The following EIF2B3 variants were observed in gnomAD, a reference collection of about 807,000 sequenced individuals.
The protein encoded by EIF2B3 is eukaryotic translation initiation factor 2B subunit gamma, also known as translation initiation factor eIF2B subunit gamma.
Under a neutral mutation model 54.1 loss-of-function variants are expected in EIF2B3, and 20 were observed. The observed-to-expected ratio is 0.37, with a 90% CI of 0.26 to 0.54. The LOEUF is 0.54. Among genes scored for constraint, EIF2B3 ranks in the 20% least tolerant of loss-of-function variants. The probability of loss-of-function intolerance (pLI) is 0.86; values close to 1 mark genes in which losing one functional copy is unlikely to be tolerated. For synonymous variants in EIF2B3, 153 were observed against 188.1 expected, an observed-to-expected ratio of 0.81 and a Z score of 1.52; for missense variants, 448 against 547.8, an observed-to-expected ratio of 0.82 and a Z score of 1.82.
rs3044232 is a variant in EIF2B3 at position 44,858,070 on chromosome 1, CT to C, written c.1203-264del. 2.3e-3 allele frequency among the ~76,000 whole-genome samples: 291 copies of C among 127,384 alleles called. No individual in the cohort carries two copies. The East Asian group carries it at 0.03, about 13-fold the overall frequency. The allele number at this position is 127,384 out of a possible 152,430, so 83.6% of individuals were successfully genotyped here. On this transcript the variant is annotated intron_variant, in intron 10 of 11. Transcript: ENST00000360403. ...AGATATTCTGACTTCACTTCAGTTC[CT>C]TTTTTTTTTTTTTTTTTTGAGACAG...
At chr1:44,872,371 T>C (rs576264009) in intron 10 of EIF2B3, among the ~76,000 whole-genome samples, 2 of 151,882 alleles carry the variant, frequency 1.3e-5, no homozygotes, top group Non-Finnish European at 2.9e-5. Context: ...TCTGGCCAGG[T>C]GCAGTGGCTC....
chr1:44,970,625 T>G (rs1161631070), intron 3 of EIF2B3, among the ~76,000 whole-genome samples: 2 of 152,222 alleles, frequency 1.3e-5, no homozygotes, highest in Admixed American at 6.5e-5. Flanking sequence ...TTTAGAGAGA[T>G]AACCGACATC....
intron 9 of EIF2B3, among the ~76,000 whole-genome samples, chr1:44,875,033 T>C (rs937461335): frequency 1.3e-5 from 2 of 152,094 alleles, no homozygotes; most frequent in Non-Finnish European, 2.9e-5. Context: ...CCCTCCTCTC[T>C]TGCCAAGAAA....
At chr1:44,880,328 G>A (rs1378525890) in intron 7 of EIF2B3, among the ~76,000 whole-genome samples, 1 of 152,142 alleles carries the variant, frequency 6.6e-6, no homozygotes, top group Non-Finnish European at 1.5e-5. Context: ...AACTAAAAGA[G>A]GAAATGTACT....
chr1:44,855,765 C>T (rs1654414135), intron 11 of EIF2B3, among the ~76,000 whole-genome samples: 1 of 152,138 alleles, frequency 6.6e-6, no homozygotes, highest in Admixed American at 6.6e-5. Context: ...CCATGTTGGT[C>T]AGGCTGGTTT....
intron 8 of EIF2B3, among the ~76,000 whole-genome samples, chr1:44,876,582 GC>G (rs756084271): frequency 8.0e-5 from 1 of 12,434 alleles, no homozygotes; most frequent in South Asian, 3.8e-3. Context: ...GTGGGGGTCA[GC>G]CCCCCACCCG....
intron 1 of EIF2B3, among the ~76,000 whole-genome samples, chr1:44,985,805 C>T (rs364482): frequency 0.24 from 36,622 of 152,128 alleles, 5,860 homozygotes; most frequent in African/African-American, 0.43. Flanking sequence ...CTCGCTGCCT[C>T]CCAAGCTTTG....
Position 44,877,212 on chromosome 1 carries a change from A to AAAC in EIF2B3, c.976-1518_976-1517insGTT, listed in dbSNP as rs1557666553. Among the ~76,000 whole-genome samples, 29 of 148,164 alleles carry AAAC rather than the reference A, an allele frequency of 2.0e-4. 1 individual carries two copies. Among genetic ancestry groups the AAAC allele is most frequent in the Admixed American group, 5.4e-4 (8 of 14,938 alleles). ...ATCAATAAAAAAAAAAAAAAAAAAA[A>AAAC]AAAAAAAAAACACCTTAGGTAGAAC... On this transcript the variant is annotated intron_variant, in intron 8 of 11. Transcript: ENST00000360403.
chr1:44,911,434 T>G (rs1310642340), intron 5 of EIF2B3, among the ~76,000 whole-genome samples: 1 of 152,188 alleles, frequency 6.6e-6, no homozygotes, highest in Admixed American at 6.5e-5. Context: ...GCCCTGAGCT[T>G]GACATCTATG....
intron 4 of EIF2B3, among the ~76,000 whole-genome samples, chr1:44,928,415 C>T (rs185732138): frequency 6.9e-4 from 105 of 152,096 alleles, no homozygotes; most frequent in African/African-American, 2.4e-3. Flanking sequence ...CCACTGCACT[C>T]CAGCCTGGGC....
chr1:44,915,305 A>G (rs1311127554), intron 5 of EIF2B3, among the ~76,000 whole-genome samples: 2 of 152,074 alleles, frequency 1.3e-5, no homozygotes, highest in Admixed American at 6.6e-5. Context: ...GTCTCAAAAA[A>G]AAAAAATTAT....
intron 5 of EIF2B3, among the ~76,000 whole-genome samples, chr1:44,901,363 G>A (rs193015769): frequency 2.4e-3 from 357 of 151,884 alleles, no homozygotes; most frequent in African/African-American, 6.2e-3. Flanking sequence ...TGATCCACCC[G>A]CCTCGGCCTC....
chr1:44,880,986 C>CT lies in EIF2B3; in HGVS notation c.784+625_784+626insA, dbSNP rs774206044. 6.5e-4 allele frequency among the ~76,000 whole-genome samples: 99 copies of CT among 151,808 alleles called. 1 individual carries two copies. The highest frequency in any genetic ancestry group is 1.1e-3 in the Non-Finnish European group (76 of 67,926). Reference sequence around the variant, plus strand: ...AAAAAAATAAAAAAAAAAAAAGACACAATGCTAGTAAGAGGCAGTCAGATT... The same window carrying CT: ...AAAAAAATAAAAAAAAAAAAAGACACTAATGCTAGTAAGAGGCAGTCAGATT... On this transcript the variant is annotated intron_variant, in intron 7 of 11. Coordinates refer to ENST00000360403, the MANE Select transcript of EIF2B3 (RefSeq NM_020365.5).
At chr1:44,902,841 A>AAG (rs1643338087) in intron 5 of EIF2B3, among the ~76,000 whole-genome samples, 1 of 149,542 alleles carries the variant, frequency 6.7e-6, no homozygotes, top group African/African-American at 2.5e-5. Flanking sequence ...AAAAAAAAAA[A>AAG]AAAAAAAAAA....
intron 8 of EIF2B3, among the ~76,000 whole-genome samples, chr1:44,877,216 A>AAAAAC (rs1655221053): frequency 6.7e-6 from 1 of 149,526 alleles, no homozygotes; most frequent in Non-Finnish European, 1.5e-5. Context: ...AAAAAAAAAA[A>AAAAAC]AAAAAACACC....
At chr1:44,907,286 G>A (rs58451519) in intron 5 of EIF2B3, among the ~76,000 whole-genome samples, 3,767 of 152,010 alleles carry the variant, frequency 0.025, 79 homozygotes, top group African/African-American at 0.055. Context: ...GTGGCTGGGC[G>A]CGGTGGCTCA....
chr1:44,902,481 G>A (rs926784237), intron 5 of EIF2B3, among the ~76,000 whole-genome samples: 4 of 151,728 alleles, frequency 2.6e-5, no homozygotes, highest in Non-Finnish European at 5.9e-5. Context: ...AGGCGACTAA[G>A]CAAGACCCTG....
intron 5 of EIF2B3, among the ~76,000 whole-genome samples, chr1:44,900,360 T>C (rs1643256292): frequency 6.6e-6 from 1 of 150,822 alleles, no homozygotes; most frequent in Non-Finnish European, 1.5e-5. Context: ...GGCAGGATAA[T>C]TGCTTGCACC....
At chr1:44,879,062 C>T (rs555058148) in intron 8 of EIF2B3, among the ~76,000 whole-genome samples, 31 of 152,098 alleles carry the variant, frequency 2.0e-4, no homozygotes, top group Non-Finnish European at 4.3e-4. Flanking sequence ...TGCCCGGACT[C>T]TTTTCTTATT....
Sources: gnomAD v4.1 joint callset for allele counts (sites outside exome capture counted in the v4.1 genomes callset) on GRCh38, gnomAD v4.1.1 for gene constraint, MANE v1.5 for transcripts, NCBI Gene and HGNC (gene_info 2026-07-23, HGNC 2026-07-21) for gene names.